Variants in KCNJ5 observed in about 807,000 individuals in gnomAD.
KCNJ5 encodes the protein G protein-activated inward rectifier potassium channel 4.
KCNJ5 carries 12 observed loss-of-function variants against 20.2 expected under a neutral mutation model. The observed-to-expected ratio is 0.59, with a 90% CI of 0.38 to 0.96. The LOEUF is 0.96. KCNJ5 is among the 40% of genes least tolerant of loss of function. The pLI is 0.00. For synonymous variants in KCNJ5, 210 were observed against 213.9 expected (o/e 0.98, Z 0.16); for missense variants, 449 against 557.6 (o/e 0.81, Z 1.96).
chr11:128,913,753 A>T (rs1944536134), intron 2 of KCNJ5, among the ~76,000 whole-genome samples: 1 of 152,192 alleles, frequency 6.6e-6, no homozygotes, highest in East Asian at 1.9e-4. Context: ...CCTAAAAAGC[A>T]TTATGTAGAC....
intron 2 of KCNJ5, among the ~76,000 whole-genome samples, chr11:128,913,886 G>A (rs7933504): frequency 0.74 from 112,796 of 152,136 alleles, 42,037 homozygotes; most frequent in African/African-American, 0.79. Context: ...CCCCCAGGAA[G>A]CTGGCTGCCG....
At chr11:128,902,406 C>T in intron 1 of KCNJ5, 2 of 986,882 alleles carry the variant, frequency 2.0e-6, no homozygotes, top group South Asian at 3.1e-5. Context: ...CTGCCCAAGA[C>T]ACTGTTCTCT....
intron 1 of KCNJ5, among the ~76,000 whole-genome samples, chr11:128,906,707 T>C (rs1449277278): frequency 6.6e-6 from 1 of 152,230 alleles, no homozygotes; most frequent in Non-Finnish European, 1.5e-5. Flanking sequence ...CTCTGTCTAA[T>C]TCCTCTAATA....
chr11:128,898,304 T>C (rs748869962), intron 1 of KCNJ5, among the ~76,000 whole-genome samples: 1 of 152,260 alleles, frequency 6.6e-6, no homozygotes, highest in Non-Finnish European at 1.5e-5. Flanking sequence ...TTTCTCCATT[T>C]ATTTGCTATT....
At chr11:128,910,819 G>A (rs1426705924) in intron 1 of KCNJ5, among the ~76,000 whole-genome samples, 1 of 152,200 alleles carries the variant, frequency 6.6e-6, no homozygotes, top group African/African-American at 2.4e-5. Context: ...TGATTCATAA[G>A]CAAACAATAT....
chr11:128,895,434 A>G lies in KCNJ5; in HGVS notation c.-11+3713A>G, dbSNP rs562523118. On this transcript the variant is annotated intron_variant, in intron 1 of 2. Transcript: ENST00000529694. ...GCACTGCTGAGCACTTGGTGCCTGG[A>G]ACCCTGGGCAGTGGGAGGTGCTGCT... Among the ~76,000 whole-genome samples, 346 of 141,434 alleles carry G rather than the reference A, an allele frequency of 2.4e-3. 2 individuals carry two copies. Among genetic ancestry groups the G allele is most frequent in the African/African-American group, 8.5e-3 (331 of 38,752 alleles). 92.8% of individuals were successfully genotyped at this position (141,434 alleles called of 152,430 possible).
chr11:128,901,919 G>A (rs1232902061), intron 1 of KCNJ5: 2 of 155,144 alleles, frequency 1.3e-5, no homozygotes, highest in Non-Finnish European at 2.9e-5. Flanking sequence ...GGGATGAAGT[G>A]TCCCATCTGA....
At chr11:128,905,167 T>TG (rs539872980) in intron 1 of KCNJ5, among the ~76,000 whole-genome samples, 2 of 152,312 alleles carry the variant, frequency 1.3e-5, no homozygotes, top group Admixed American at 1.3e-4. Context: ...AGAGACCCGC[T>TG]GGCGGGGAGT....
rs1387411328 is a variant in KCNJ5 at position 128,917,021 on chromosome 11, G to C, written c.*290G>C. The C allele has an allele frequency of 2.5e-5, 9 of 367,172 alleles. No homozygotes were observed. The highest frequency in any genetic ancestry group is 5.0e-5 in the East Asian group (1 of 20,170). 22.7% of individuals were successfully genotyped at this position (367,172 alleles called of 1,614,324 possible). On this transcript the variant is annotated 3_prime_UTR_variant, in exon 3 of 3. Transcript: ENST00000529694. ...TGGTGAATGTTACCGGATGGCATCT[G>C]TTCTCTCCATGCCCTGGGTCACTTC...
In KCNJ5 at chr11:128,918,632, G is replaced by A. The variant is rs1389976049; in HGVS notation, c.*1901G>A. Reference sequence around the variant, plus strand: ...CCTGGGAGAGGAGCAGAGCCACAGAGAGGTAGGAAGTTGAGGCAGAGCAAA... The same window carrying A: ...CCTGGGAGAGGAGCAGAGCCACAGAAAGGTAGGAAGTTGAGGCAGAGCAAA... On this transcript the variant is annotated 3_prime_UTR_variant, in exon 3 of 3. Transcript: ENST00000529694. The A allele has an allele frequency of 3.9e-5, 6 of 152,466 alleles. No homozygotes were observed. The highest frequency in any genetic ancestry group is 1.4e-4 in the African/African-American group (6 of 41,476). The allele number at this position is 152,466 out of a possible 1,614,324, so 9.4% of individuals were successfully genotyped here. A position where few individuals can be genotyped will look rare whatever the true frequency, so the allele number is the denominator to read the frequency against.
chr11:128,907,097 A>ATTTGCTTATGT (rs1478418647), intron 1 of KCNJ5, among the ~76,000 whole-genome samples: 23 of 152,226 alleles, frequency 1.5e-4, no homozygotes, highest in Admixed American at 1.5e-3. Flanking sequence ...AGAAGAGTAT[A>ATTTGCTTATGT]CAAATATCTC....
chr11:128,895,716 C>T (rs1944165882), intron 1 of KCNJ5, among the ~76,000 whole-genome samples: 1 of 152,264 alleles, frequency 6.6e-6, no homozygotes, highest in African/African-American at 2.4e-5. Context: ...GCTCTCAGAC[C>T]ACTGCCTGGG....
intron 1 of KCNJ5, chr11:128,901,568 G>A (rs1024422248): frequency 6.6e-6 from 1 of 152,280 alleles, no homozygotes; most frequent in Non-Finnish European, 1.5e-5. Context: ...CCCAGGTCAG[G>A]ATGTCTCCGA....
Position 128,891,441 on chromosome 11 carries a change from C to CAGAAAGAGAG in KCNJ5, c.-288_-287insAAGAGAGAGA. The CAGAAAGAGAG allele has an allele frequency of 1.8e-5, 1 of 54,936 alleles. No homozygotes were observed. Among genetic ancestry groups the CAGAAAGAGAG allele is most frequent in the African/African-American group, 8.0e-5 (1 of 12,478 alleles). The allele number at this position is 54,936 out of a possible 1,614,324, so 3.4% of individuals were successfully genotyped here. A position where few individuals can be genotyped will look rare whatever the true frequency, so the allele number is the denominator to read the frequency against. Reference sequence around the variant, plus strand: ...ACACACACACACACACACACACACACAGAGAGAGAGAGAGAGAGAGAGAGA... The same window carrying CAGAAAGAGAG: ...ACACACACACACACACACACACACACAGAAAGAGAGAGAGAGAGAGAGAGAGAGAGAGAGA... On this transcript the variant is annotated 5_prime_UTR_variant, in exon 1 of 3. Transcript: ENST00000529694.
chr11:128,898,211 A>C (rs1257806705), intron 1 of KCNJ5, among the ~76,000 whole-genome samples: 1 of 152,268 alleles, frequency 6.6e-6, no homozygotes, highest in Non-Finnish European at 1.5e-5. Context: ...ATTTTGATAG[A>C]AATTGCATTG....
At chr11:128,896,259 T>C (rs982020241) in intron 1 of KCNJ5, among the ~76,000 whole-genome samples, 1 of 152,236 alleles carries the variant, frequency 6.6e-6, no homozygotes, top group Non-Finnish European at 1.5e-5. Context: ...TAGATTCACA[T>C]GCAGTTTCAG....
chr11:128,903,306 G>A, intron 1 of KCNJ5: 23 of 1,582,838 alleles, frequency 1.5e-5, no homozygotes, highest in Non-Finnish European at 1.9e-5. Flanking sequence ...AATTGCACGT[G>A]ACCAAGAAGG....
intron 1 of KCNJ5, among the ~76,000 whole-genome samples, chr11:128,904,878 C>G (rs530560540): frequency 6.6e-6 from 1 of 152,278 alleles, no homozygotes; most frequent in South Asian, 2.1e-4. Context: ...TTCAGAAATT[C>G]AAAAATAGAC....
In KCNJ5 at chr11:128,916,617, C is replaced by G. The variant is rs987817877; in HGVS notation, c.1146C>G (p.Ser382Arg). Residue 382 changes from serine to arginine, a missense_variant, in exon 3 of 3, where the codon AGC (serine) becomes AGG (arginine). Physicochemically the swap from Ser to Arg is moderately radical, Grantham distance 110. This residue lies in a region of KCNJ5 where 64 missense variants were observed against 51.3 expected (regional missense o/e 1.25). Transcript: ENST00000529694. ...GCCGGCTCCTCCAGTACCTCCCCAGCCCCCCACTGCTGGGGGGCTGTGCTG... is the reference window on the plus strand; with the variant it reads ...GCCGGCTCCTCCAGTACCTCCCCAGGCCCCCACTGCTGGGGGGCTGTGCTG... ...REGRLLQYLP[S>R]PPLLGGCAEA... 2 of 1,613,964 alleles carry G rather than the reference C, an allele frequency of 1.2e-6. No homozygotes were observed. Among genetic ancestry groups the G allele is most frequent in the South Asian group, 2.2e-5 (2 of 91,088 alleles).
Sources: allele counts gnomAD v4.1 joint callset (sites outside exome capture counted in the v4.1 genomes callset), GRCh38; gene constraint gnomAD v4.1.1; regional missense constraint gnomAD v4.1.1; transcripts MANE v1.5; gene names NCBI Gene and HGNC (gene_info 2026-07-23, HGNC 2026-07-21).